The following ROBO2 variants were observed in gnomAD, a reference collection of about 807,000 sequenced individuals.
ROBO2 encodes the protein roundabout homolog 2.
In ROBO2, 53 loss-of-function variants were observed where a neutral mutation model predicts 160.8. That is an observed-to-expected ratio of 0.33 (90% CI 0.26 to 0.41). ROBO2 has a LOEUF of 0.41. ROBO2 is among the 10% of genes least tolerant of loss of function. The pLI, the probability that ROBO2 is intolerant of heterozygous loss-of-function variation, is 1.00. For synonymous variants in ROBO2, 664 were observed against 611.7 expected, an observed-to-expected ratio of 1.09 and a Z score of -1.26; for missense variants, 1,577 against 1,722.4, an observed-to-expected ratio of 0.92 and a Z score of 1.49.
chr3:76,368,990 A>C (rs754148199), intron 2 of ROBO2, among the ~76,000 whole-genome samples: 1 of 151,984 alleles, frequency 6.6e-6, no homozygotes, highest in Non-Finnish European at 1.5e-5. Context: ...AAACTCTCAC[A>C]ATAAAAGAAC....
chr3:76,425,516 G>GTC (rs1559925453), intron 2 of ROBO2, among the ~76,000 whole-genome samples: 1 of 86,026 alleles, frequency 1.2e-5, no homozygotes, highest in Non-Finnish European at 2.9e-5. Context: ...GTGTGTGTGT[G>GTC]TGTGTGTGTC....
chr3:76,186,771 A>T (rs1321542417), intron 2 of ROBO2, among the ~76,000 whole-genome samples: 2 of 151,938 alleles, frequency 1.3e-5, no homozygotes, highest in Non-Finnish European at 2.9e-5. Context: ...GTTCTCTCTA[A>T]TTCATCTCCA....
chr3:77,027,678 C>T (rs2063052780), intron 2 of ROBO2, among the ~76,000 whole-genome samples: 1 of 152,118 alleles, frequency 6.6e-6, no homozygotes, highest in Non-Finnish European at 1.5e-5. Flanking sequence ...GCACTGAAAG[C>T]CAGCTGTCGG....
chr3:77,546,249 C>T, intron 6 of ROBO2, 89 bp from the exon 8 acceptor site: 1 of 1,384,148 alleles, frequency 7.2e-7, no homozygotes, highest in Non-Finnish European at 1.0e-6. Flanking sequence ...TGGCACTGAA[C>T]AGTCAACATA....
At chr3:77,468,322 G>A (rs905660807) in intron 2 of ROBO2, among the ~76,000 whole-genome samples, 4 of 152,146 alleles carry the variant, frequency 2.6e-5, no homozygotes, top group Non-Finnish European at 5.9e-5. Flanking sequence ...CCAGAGACAG[G>A]CCTAGAGTCT....
intron 2 of ROBO2, among the ~76,000 whole-genome samples, chr3:76,909,336 G>A (rs993006567): frequency 1.3e-5 from 2 of 152,170 alleles, no homozygotes; most frequent in South Asian, 2.1e-4. Context: ...ATGTGCACTC[G>A]CAGACACACA....
At chr3:76,088,970 G>A (rs1026847223) in intron 2 of ROBO2, among the ~76,000 whole-genome samples, 1 of 151,874 alleles carries the variant, frequency 6.6e-6, no homozygotes, top group Non-Finnish European at 1.5e-5. Flanking sequence ...GAATGAGAGA[G>A]AGCACACGAA....
intron 2 of ROBO2, among the ~76,000 whole-genome samples, chr3:76,941,038 G>A (rs2078153740): frequency 6.6e-6 from 1 of 152,088 alleles, no homozygotes; most frequent in African/African-American, 2.4e-5. Context: ...TTACTTCTCA[G>A]CAAATGATAA....
At chr3:75,917,747 T>G (rs2106797011) in intron 1 of ROBO2, among the ~76,000 whole-genome samples, 1 of 152,354 alleles carries the variant, frequency 6.6e-6, no homozygotes, top group African/African-American at 2.4e-5. Context: ...TGTGAGATGG[T>G]ATGTCATTGT....
chr3:76,431,163 A>G (rs1393291197), intron 2 of ROBO2, among the ~76,000 whole-genome samples: 2 of 152,142 alleles, frequency 1.3e-5, no homozygotes, highest in Non-Finnish European at 2.9e-5. Flanking sequence ...CATTGCTTCA[A>G]GAAGTATACT....
chr3:77,139,182 A>G (rs1313815439), intron 2 of ROBO2, among the ~76,000 whole-genome samples: 1 of 152,302 alleles, frequency 6.6e-6, no homozygotes, highest in East Asian at 1.9e-4. Flanking sequence ...GATTATGCTT[A>G]AGACTGTGGA....
intron 2 of ROBO2, among the ~76,000 whole-genome samples, chr3:76,073,105 C>T (rs1372186755): frequency 6.6e-6 from 1 of 152,054 alleles, no homozygotes; most frequent in African/African-American, 2.4e-5. Context: ...GATCTGCTTA[C>T]TGCTCTTGTA....
chr3:77,382,341 A>T (rs1338631934), intron 2 of ROBO2, among the ~76,000 whole-genome samples: 2 of 117,074 alleles, frequency 1.7e-5, no homozygotes, highest in African/African-American at 6.1e-5. Context: ...TAGAAAACAC[A>T]TGTCCTTTTT....
At chr3:76,550,300 T>C (rs2083337886) in intron 2 of ROBO2, among the ~76,000 whole-genome samples, 1 of 151,926 alleles carries the variant, frequency 6.6e-6, no homozygotes, top group African/African-American at 2.4e-5. Context: ...CAAAAATATG[T>C]GATAATGCCT....
At chr3:76,502,773 A>G (rs1299053214) in intron 2 of ROBO2, among the ~76,000 whole-genome samples, 1 of 152,182 alleles carries the variant, frequency 6.6e-6, no homozygotes, top group Non-Finnish European at 1.5e-5. Flanking sequence ...AATTATAAAG[A>G]ATATCAAATC....
At chr3:76,320,004 T>C (rs2072383365) in intron 2 of ROBO2, among the ~76,000 whole-genome samples, 1 of 152,064 alleles carries the variant, frequency 6.6e-6, no homozygotes, top group Non-Finnish European at 1.5e-5. Flanking sequence ...AACCCATTTC[T>C]TTTTAGGCAG....
intron 2 of ROBO2, among the ~76,000 whole-genome samples, chr3:77,394,952 T>C (rs1420911444): frequency 6.6e-6 from 1 of 152,186 alleles, no homozygotes; most frequent in Admixed American, 6.6e-5. Flanking sequence ...AGATCCTGCT[T>C]GCCTAAATAG....
At chr3:77,406,203 C>T (rs972739434) in intron 2 of ROBO2, among the ~76,000 whole-genome samples, 2 of 152,166 alleles carry the variant, frequency 1.3e-5, no homozygotes, top group African/African-American at 4.8e-5. Context: ...ATCAGCTCTC[C>T]TGAGAACTCA....
At chr3:76,740,870 T>G (rs972618125) in intron 2 of ROBO2, among the ~76,000 whole-genome samples, 8 of 152,126 alleles carry the variant, frequency 5.3e-5, no homozygotes, top group Non-Finnish European at 1.2e-4. Context: ...ATTAAATAAC[T>G]GCATGAGCAA....
Sources: allele counts gnomAD v4.1 joint callset (sites outside exome capture counted in the v4.1 genomes callset), GRCh38; gene constraint gnomAD v4.1.1; transcripts MANE v1.5; gene names NCBI Gene and HGNC (gene_info 2026-07-23, HGNC 2026-07-21).